The following WDHD1 variants were observed in gnomAD, a reference collection of about 807,000 sequenced individuals.
WDHD1 encodes the protein WD repeat and HMG-box DNA-binding protein 1.
WDHD1 carries 111 observed loss-of-function variants against 135.4 expected under a neutral mutation model. The ratio of observed to expected loss-of-function variants is 0.82; its 90% CI spans 0.70 to 0.96. The LOEUF (loss-of-function observed/expected upper bound fraction) is 0.96, where lower values mean the gene tolerates loss of function less well. WDHD1 is among the 40% of genes least tolerant of loss of function. WDHD1 has a pLI of 0.00. For synonymous variants in WDHD1, 434 were observed against 439.0 expected (o/e 0.99, Z 0.14); for missense variants, 1,351 against 1,336.3 (o/e 1.01, Z -0.17).
intron 2 of WDHD1, among the ~76,000 whole-genome samples, chr14:55,022,614 G>A (rs923969030): frequency 2.6e-4 from 39 of 151,804 alleles, no homozygotes; most frequent in Non-Finnish European, 4.0e-4. Flanking sequence ...CCCAGGAGGC[G>A]GAGGTTGCAG....
chr14:54,958,914 C>T (rs1404079546), intron 21 of WDHD1, among the ~76,000 whole-genome samples: 2 of 152,184 alleles, frequency 1.3e-5, no homozygotes, highest in South Asian at 4.1e-4. Context: ...CAGAATACTT[C>T]CCTGAGCTCC....
chr14:54,991,266 G>C lies in WDHD1; in HGVS notation c.1288C>G (p.Gln430Glu). 1 of 1,613,058 alleles carries C rather than the reference G, an allele frequency of 6.2e-7. No homozygotes were observed. The highest frequency in any genetic ancestry group is 8.5e-7 in the Non-Finnish European group (1 of 1,179,056). ...GTAGAACCTGACTGAAATGGCTTTT[G>C]CCGGGGAGTTGGCATGGGTCCATCA... ...FYDGPMPTPR[Q>E]KPFQSGSTPL... The change falls in exon 12 of 26, where the codon CAA becomes GAA. Residue 430 changes from glutamine (Q) to glutamate (E), a missense_variant. Coordinates refer to ENST00000360586, the MANE Select transcript of WDHD1 (RefSeq NM_007086.4).
At chr14:54,955,943 G>C (rs1198521922) in intron 23 of WDHD1, among the ~76,000 whole-genome samples, 3 of 140,516 alleles carry the variant, frequency 2.1e-5, no homozygotes, top group African/African-American at 8.1e-5. Context: ...TGTTGCCCAG[G>C]CTGGAGTGCA....
chr14:55,000,743 T>C, intron 9 of WDHD1, 99 bp from the exon 10 acceptor site: 3 of 1,103,586 alleles, frequency 2.7e-6, no homozygotes, highest in Non-Finnish European at 3.6e-6. Context: ...AAATGACTTT[T>C]GACAATAATT....
chr14:54,944,897 C>T (rs1399100681), intron 24 of WDHD1, among the ~76,000 whole-genome samples: 3 of 152,116 alleles, frequency 2.0e-5, no homozygotes, highest in Non-Finnish European at 2.9e-5. Context: ...CATAAGCCAC[C>T]GTGCCTGGCC....
chr14:54,951,733 T>C (rs1370764981), intron 24 of WDHD1, among the ~76,000 whole-genome samples: 1 of 152,166 alleles, frequency 6.6e-6, no homozygotes, highest in African/African-American at 2.4e-5. Flanking sequence ...CTGATGAACA[T>C]CGATGCAAAA....
chr14:54,979,569 G>GT (rs1280560494), intron 16 of WDHD1, among the ~76,000 whole-genome samples: 1 of 152,136 alleles, frequency 6.6e-6, no homozygotes, highest in East Asian at 1.9e-4. Context: ...CAGAGTCACC[G>GT]TTAACCTCCA....
At chr14:54,999,013 T>C (rs998740737) in intron 10 of WDHD1, among the ~76,000 whole-genome samples, 1 of 152,234 alleles carries the variant, frequency 6.6e-6, no homozygotes, top group Non-Finnish European at 1.5e-5. Context: ...TTATGATCAC[T>C]GTTCCTTTCT....
At chr14:54,987,636 T>A (rs1364665243) in intron 13 of WDHD1, among the ~76,000 whole-genome samples, 2 of 152,160 alleles carry the variant, frequency 1.3e-5, no homozygotes, top group African/African-American at 4.8e-5. Context: ...TTCTTTTTTT[T>A]TGAAATGGAG....
chr14:54,964,362 C>T lies in WDHD1; in HGVS notation c.2311-1190G>A, dbSNP rs548143511. On this transcript the variant is annotated intron_variant, in intron 18 of 25. Coordinates refer to ENST00000360586, the MANE Select transcript of WDHD1 (RefSeq NM_007086.4). ...GGGCATTTAGAAATAAAAAGGAAGC[C>T]GGGCGCAGTGGCTCACACCTGTAAT... 9.2e-5 allele frequency among the ~76,000 whole-genome samples: 14 copies of T among 152,040 alleles called. 1 individual carries two copies. Among genetic ancestry groups the T allele is most frequent in the East Asian group, 3.9e-4 (2 of 5,150 alleles).
At chr14:54,950,590 C>A (rs1013554159) in intron 24 of WDHD1, among the ~76,000 whole-genome samples, 6 of 152,064 alleles carry the variant, frequency 3.9e-5, no homozygotes, top group South Asian at 2.1e-4. Context: ...GACAGATCAA[C>A]GAGACAAAGT....
At chr14:54,981,769 A>G in intron 15 of WDHD1, 73 bp from the exon 16 acceptor site, 1 of 912,276 alleles carries the variant, frequency 1.1e-6, no homozygotes, top group African/African-American at 1.7e-5. Flanking sequence ...CAAATATATT[A>G]TACATACCAA....
At chr14:54,967,964 A>T (rs1340765684) in intron 16 of WDHD1, among the ~76,000 whole-genome samples, 3 of 152,194 alleles carry the variant, frequency 2.0e-5, no homozygotes, top group Admixed American at 6.5e-5. Context: ...AAGTGAAATC[A>T]GCTCTCTTCA....
chr14:55,007,233 A>T lies in WDHD1; in HGVS notation c.600+47T>A, dbSNP rs761319962. 1,755 of 854,086 alleles carry T rather than the reference A, an allele frequency of 2.1e-3. 1 individual carries two copies. Among genetic ancestry groups the T allele is most frequent in the African/African-American group, 0.017 (901 of 52,166 alleles). 52.9% of individuals were successfully genotyped at this position (854,086 alleles called of 1,614,324 possible). A position where few individuals can be genotyped will look rare whatever the true frequency, so the allele number is the denominator to read the frequency against. ...ACAGAGTGAGACTCCATCTCTAATA[A>T]AAAAAAAAAAAAAAAAGAAAAGAAA... On this transcript the variant is annotated intron_variant, in intron 7 of 25. Transcript: ENST00000360586.
chr14:54,967,428 T>C, intron 16 of WDHD1, 34 bp from the exon 17 acceptor site: 2 of 1,505,002 alleles, frequency 1.3e-6, no homozygotes, highest in Non-Finnish European at 9.0e-7. Context: ...CATAAAAATT[T>C]ACTAACATGT....
intron 10 of WDHD1, among the ~76,000 whole-genome samples, chr14:54,997,826 A>T (rs570572051): frequency 3.3e-5 from 5 of 149,722 alleles, no homozygotes; most frequent in African/African-American, 9.8e-5. Context: ...CAGGAGAATC[A>T]CTTGAACCCG....
intron 2 of WDHD1, among the ~76,000 whole-genome samples, chr14:55,020,114 T>C (rs1307206247): frequency 6.6e-6 from 1 of 152,204 alleles, no homozygotes; most frequent in East Asian, 1.9e-4. Flanking sequence ...GCTTTCTTTC[T>C]GGTCATTCTT....
At chr14:55,022,824 CTTTTTTT>C (rs869133747) in intron 2 of WDHD1, among the ~76,000 whole-genome samples, 2 of 136,730 alleles carry the variant, frequency 1.5e-5, no homozygotes, top group Non-Finnish European at 3.2e-5. Context: ...CTTTCTCTTT[CTTTTTTT>C]TTTTTTTTTT....
intron 17 of WDHD1, 110 bp downstream of exon 17, chr14:54,967,170 A>C: frequency 1.1e-6 from 1 of 900,512 alleles, no homozygotes; most frequent in Admixed American, 2.5e-5. Context: ...TATTTATGTA[A>C]TTATACAGTA....
Sources: gnomAD v4.1 joint callset for allele counts (sites outside exome capture counted in the v4.1 genomes callset) on GRCh38, gnomAD v4.1.1 for gene constraint, MANE v1.5 for transcripts, NCBI Gene and HGNC (gene_info 2026-07-23, HGNC 2026-07-21) for gene names.